The following PRKCA variants were observed in gnomAD, a reference collection of about 807,000 sequenced individuals.
PRKCA encodes the protein protein kinase C alpha type.
A neutral mutation model predicts 87.0 loss-of-function variants in PRKCA; 27 were observed. The ratio of observed to expected loss-of-function variants is 0.31; its 90% CI spans 0.23 to 0.43. PRKCA has a LOEUF of 0.43. PRKCA is among the 20% of genes least tolerant of loss of function. PRKCA has a pLI of 1.00. For synonymous variants in PRKCA, 329 were observed against 311.1 expected (o/e 1.06, Z -0.61); for missense variants, 518 against 852.3 (o/e 0.61, Z 4.88).
At chr17:66,649,739 T>A (rs996020718) in intron 5 of PRKCA, among the ~76,000 whole-genome samples, 2 of 152,094 alleles carry the variant, frequency 1.3e-5, no homozygotes, top group Non-Finnish European at 2.9e-5. Context: ...GGTCCAAACA[T>A]GGGACTTAAA....
chr17:66,323,437 G>T (rs961851011), intron 2 of PRKCA, among the ~76,000 whole-genome samples: 9 of 152,206 alleles, frequency 5.9e-5, no homozygotes, highest in African/African-American at 1.9e-4. Flanking sequence ...AGAGCAGTTA[G>T]TATGATAAAA....
chr17:66,696,209 G>C (rs1045830058), intron 8 of PRKCA, among the ~76,000 whole-genome samples: 29 of 152,224 alleles, frequency 1.9e-4, no homozygotes, highest in African/African-American at 6.5e-4. Flanking sequence ...AGAAGCCTCA[G>C]TGTTGGACCC....
Position 66,431,983 on chromosome 17 carries a change from A to G in PRKCA, c.206-64218A>G, listed in dbSNP as rs572568571. 6.6e-5 allele frequency among the ~76,000 whole-genome samples: 10 copies of G among 152,298 alleles called. No homozygotes were observed. The South Asian group carries it at 2.1e-3, about 32-fold the overall frequency. On this transcript the variant is annotated intron_variant, in intron 2 of 16. Transcript: ENST00000413366. Reference sequence around the variant, plus strand: ...TCAGCATTTCCAAAGCACTTTCAAGACCGTTCCCTTTTTTTATCCTTAGGC... The same window carrying G: ...TCAGCATTTCCAAAGCACTTTCAAGGCCGTTCCCTTTTTTTATCCTTAGGC...
At chr17:66,664,341 C>T (rs1348240246) in intron 5 of PRKCA, among the ~76,000 whole-genome samples, 1 of 152,166 alleles carries the variant, frequency 6.6e-6, no homozygotes, top group African/African-American at 2.4e-5. Flanking sequence ...CTGCCCTGAG[C>T]CCAGGAGCTG....
At chr17:66,430,382 C>T (rs961191552) in intron 2 of PRKCA, among the ~76,000 whole-genome samples, 7 of 151,764 alleles carry the variant, frequency 4.6e-5, no homozygotes, top group Middle Eastern at 3.4e-3. Context: ...GCCATGGCTC[C>T]GGAAGAGCCA....
intron 9 of PRKCA, 42 bp from the exon 10 acceptor site, chr17:66,735,447 A>AT: frequency 6.2e-7 from 1 of 1,612,700 alleles, no homozygotes; most frequent in Non-Finnish European, 8.5e-7. Flanking sequence ...CCCCCAAGAT[A>AT]TGTGCTTACA....
At chr17:66,721,314 G>A (rs985397050) in intron 8 of PRKCA, among the ~76,000 whole-genome samples, 6 of 151,122 alleles carry the variant, frequency 4.0e-5, no homozygotes, top group Admixed American at 2.0e-4. Flanking sequence ...GGAGAATGGC[G>A]TGTATCCGGA....
intron 3 of PRKCA, among the ~76,000 whole-genome samples, chr17:66,611,322 C>G (rs112165425): frequency 3.0e-4 from 45 of 152,298 alleles, no homozygotes; most frequent in African/African-American, 1.0e-3. Flanking sequence ...AAAAGAAACT[C>G]TATACTTACT....
chr17:66,508,940 T>G (rs1917096652), intron 3 of PRKCA, among the ~76,000 whole-genome samples: 1 of 152,218 alleles, frequency 6.6e-6, no homozygotes, highest in Non-Finnish European at 1.5e-5. Flanking sequence ...TCACTGGCTG[T>G]TAGCTGTGGC....
At chr17:66,592,694 A>G (rs1348515158) in intron 3 of PRKCA, among the ~76,000 whole-genome samples, 1 of 152,246 alleles carries the variant, frequency 6.6e-6, no homozygotes, top group African/African-American at 2.4e-5. Flanking sequence ...AACTGACTCC[A>G]ATCCTTTTGT....
intron 2 of PRKCA, among the ~76,000 whole-genome samples, chr17:66,489,018 TG>T (rs1567854647): frequency 6.6e-6 from 1 of 152,140 alleles, no homozygotes; most frequent in Non-Finnish European, 1.5e-5. Flanking sequence ...GCTGTGACGT[TG>T]CCTTTCATTA....
intron 2 of PRKCA, among the ~76,000 whole-genome samples, chr17:66,418,550 C>T (rs910833304): frequency 1.3e-5 from 2 of 151,756 alleles, no homozygotes; most frequent in African/African-American, 2.4e-5. Flanking sequence ...ATTCTCCTGC[C>T]TCAGCCTCCT....
chr17:66,366,129 C>G (rs1908704159), intron 2 of PRKCA, among the ~76,000 whole-genome samples: 1 of 152,078 alleles, frequency 6.6e-6, no homozygotes, highest in African/African-American at 2.4e-5. Flanking sequence ...AAAAAGCTTC[C>G]TGCTTTTTAG....
chr17:66,456,945 C>T (rs1454985027), intron 2 of PRKCA, among the ~76,000 whole-genome samples: 2 of 152,122 alleles, frequency 1.3e-5, no homozygotes, highest in South Asian at 2.1e-4. Context: ...TGCCTTAGGC[C>T]AGTGGCTGCT....
chr17:66,785,240 A>G (rs1975351262), intron 14 of PRKCA, among the ~76,000 whole-genome samples: 1 of 151,920 alleles, frequency 6.6e-6, no homozygotes, highest in Non-Finnish European at 1.5e-5. Flanking sequence ...GGTTGAGGTG[A>G]TTTGTGGGTG....
intron 2 of PRKCA, among the ~76,000 whole-genome samples, chr17:66,432,408 T>G (rs980181530): frequency 2.6e-5 from 4 of 152,184 alleles, no homozygotes; most frequent in Admixed American, 1.3e-4. Flanking sequence ...CCAAGCACAC[T>G]CTTCCTCCAC....
chr17:66,385,179 C>T (rs1292379097), intron 2 of PRKCA, among the ~76,000 whole-genome samples: 2 of 152,212 alleles, frequency 1.3e-5, no homozygotes, highest in Admixed American at 1.3e-4. Context: ...GGCTCAACTC[C>T]TTCCTTCCCT....
intron 3 of PRKCA, among the ~76,000 whole-genome samples, chr17:66,568,821 C>A (rs1968977069): frequency 6.6e-6 from 1 of 152,152 alleles, no homozygotes; most frequent in Non-Finnish European, 1.5e-5. Context: ...TGGACTTACA[C>A]TTCCATGTTC....
intron 2 of PRKCA, among the ~76,000 whole-genome samples, chr17:66,426,897 G>A (rs759909160): frequency 4.6e-5 from 7 of 152,280 alleles, no homozygotes; most frequent in South Asian, 2.1e-4. Context: ...CAGGAACTTC[G>A]TAGGTGGTTG....
Sources: gnomAD v4.1 joint callset for allele counts (sites outside exome capture counted in the v4.1 genomes callset) on GRCh38, gnomAD v4.1.1 for gene constraint, MANE v1.5 for transcripts, NCBI Gene and HGNC (gene_info 2026-07-23, HGNC 2026-07-21) for gene names.